The following PLCL1 variants were observed in gnomAD, a reference collection of about 807,000 sequenced individuals.
PLCL1 encodes the protein phospholipase C like 1 (inactive).
Under a neutral mutation model 84.4 loss-of-function variants are expected in PLCL1, and 41 were observed. That is an observed-to-expected ratio of 0.49 (90% CI 0.38 to 0.63). The LOEUF (loss-of-function observed/expected upper bound fraction) is 0.63, where lower values mean the gene tolerates loss of function less well. Among genes scored for constraint, PLCL1 ranks in the 30% least tolerant of loss-of-function variants. PLCL1 has a pLI of 0.00. For missense variants in PLCL1, 1,206 were observed against 1,367.8 expected (o/e 0.88, Z 1.87); for synonymous variants, 490 against 488.3 (o/e 1.00, Z -0.05).
At chr2:197,979,387 A>G (rs1690056789) in intron 1 of PLCL1, among the ~76,000 whole-genome samples, 1 of 152,188 alleles carries the variant, frequency 6.6e-6, no homozygotes, top group East Asian at 1.9e-4. Flanking sequence ...GTTGTTGCTA[A>G]CGTAGTTCTC....
intron 5 of PLCL1, among the ~76,000 whole-genome samples, chr2:198,128,589 A>G (rs1694047277): frequency 6.6e-6 from 1 of 152,112 alleles, no homozygotes; most frequent in African/African-American, 2.4e-5. Flanking sequence ...TGGTGGTGCC[A>G]GTTGATCCGT....
At chr2:198,023,156 C>T (rs1247034262) in intron 1 of PLCL1, among the ~76,000 whole-genome samples, 1 of 152,168 alleles carries the variant, frequency 6.6e-6, no homozygotes, top group African/African-American at 2.4e-5. Context: ...GGAAAGGATT[C>T]CCTAGTTAAT....
At chr2:197,928,540 T>C (rs1688875220) in intron 1 of PLCL1, among the ~76,000 whole-genome samples, 1 of 152,202 alleles carries the variant, frequency 6.6e-6, no homozygotes, top group Non-Finnish European at 1.5e-5. Flanking sequence ...CTCTGAAGAT[T>C]TATGAAATGG....
At chr2:198,014,922 A>G (rs776924070) in intron 1 of PLCL1, among the ~76,000 whole-genome samples, 2 of 152,030 alleles carry the variant, frequency 1.3e-5, no homozygotes, top group African/African-American at 2.4e-5. Flanking sequence ...TTCCCCCCAT[A>G]TATTTTTGAG....
intron 5 of PLCL1, among the ~76,000 whole-genome samples, chr2:198,142,305 A>G (rs1694407758): frequency 6.6e-6 from 1 of 152,172 alleles, no homozygotes; most frequent in African/African-American, 2.4e-5. Flanking sequence ...CGTTTAGTAT[A>G]TTAAGTGTTC....
intron 1 of PLCL1, among the ~76,000 whole-genome samples, chr2:197,933,531 G>C (rs1688991070): frequency 6.6e-6 from 1 of 152,078 alleles, no homozygotes; most frequent in Admixed American, 6.5e-5. Context: ...GAAATAACAA[G>C]ATTAATAGAT....
intron 1 of PLCL1, among the ~76,000 whole-genome samples, chr2:198,024,760 C>G (rs1691223635): frequency 8.3e-6 from 1 of 120,358 alleles, no homozygotes; most frequent in South Asian, 2.4e-4. Flanking sequence ...CGAAATCTAT[C>G]TCAAAAAAAA....
chr2:197,857,378 T>C (rs1347720442), intron 1 of PLCL1, among the ~76,000 whole-genome samples: 1 of 152,082 alleles, frequency 6.6e-6, no homozygotes, highest in East Asian at 1.9e-4. Context: ...CAGCTTAATT[T>C]TTCTCCCAAG....
intron 1 of PLCL1, among the ~76,000 whole-genome samples, chr2:197,829,770 G>T (rs950428115): frequency 6.6e-6 from 1 of 152,164 alleles, no homozygotes; most frequent in African/African-American, 2.4e-5. Context: ...TAGCTTGGCT[G>T]GCCTTGGTCT....
rs1411436937 is a variant in PLCL1, at chr2:198,084,724, C to A, written c.1207C>A (p.Pro403Thr). 4.3e-6 allele frequency: 7 copies of A among 1,613,974 alleles called. No homozygotes were observed. In the South Asian group the frequency reaches 7.7e-5, roughly 18 times the overall value. The part of the protein sequence containing the change: ...QKKVAQDMTQ[P>T]LSHYYINASH... ...GAAGGTTGCCCAAGATATGACCCAG[C>A]CATTATCTCACTACTATATCAATGC... Residue 403 changes from proline to threonine, a missense_variant, in exon 2 of 6, where the codon CCA (proline) becomes ACA (threonine). Coordinates refer to ENST00000428675, the MANE Select transcript of PLCL1 (RefSeq NM_006226.4).
In PLCL1 at chr2:198,093,479, C is replaced by A. The variant is rs187898894; in HGVS notation, c.2919+4418C>A. The stretch of plus-strand genomic sequence containing the variant: ...GTAAAAATACAGTCTAACCACCCCC[C>A]CAACCTACCACAGACTATTAATAAA... On this transcript the variant is annotated intron_variant, in intron 3 of 5. Coordinates refer to ENST00000428675, the MANE Select transcript of PLCL1 (RefSeq NM_006226.4). 7.2e-5 allele frequency among the ~76,000 whole-genome samples: 11 copies of A among 152,202 alleles called. No individual in the cohort carries two copies. In the East Asian group the frequency reaches 1.7e-3, roughly 24 times the overall value.
At chr2:197,954,357 G>C (rs1242244972) in intron 1 of PLCL1, among the ~76,000 whole-genome samples, 1 of 152,072 alleles carries the variant, frequency 6.6e-6, no homozygotes, top group Non-Finnish European at 1.5e-5. Context: ...GCAGAAAACT[G>C]ACCACACTTT....
chr2:198,001,548 A>G (rs1364683608), intron 1 of PLCL1, among the ~76,000 whole-genome samples: 1 of 152,190 alleles, frequency 6.6e-6, no homozygotes, highest in Non-Finnish European at 1.5e-5. Context: ...CTCTTAACCA[A>G]TGGAATTATA....
chr2:197,828,132 G>T (rs1690972792), intron 1 of PLCL1, among the ~76,000 whole-genome samples: 1 of 151,986 alleles, frequency 6.6e-6, no homozygotes. Flanking sequence ...TGGGTTGGAA[G>T]ATTCATTTTC....
intron 1 of PLCL1, among the ~76,000 whole-genome samples, chr2:197,946,523 T>TC (rs2105778981): frequency 6.6e-6 from 1 of 152,102 alleles, no homozygotes; most frequent in South Asian, 2.1e-4. Context: ...CAATTTTTTT[T>TC]ATTTATTGGA....
intron 5 of PLCL1, among the ~76,000 whole-genome samples, chr2:198,145,013 T>C (rs926764180): frequency 1.3e-5 from 2 of 152,126 alleles, no homozygotes; most frequent in East Asian, 1.9e-4. Context: ...AATCAGTAAA[T>C]TGAGAATAAT....
At chr2:197,969,068 G>A (rs1689804713) in intron 1 of PLCL1, among the ~76,000 whole-genome samples, 1 of 152,116 alleles carries the variant, frequency 6.6e-6, no homozygotes, top group Non-Finnish European at 1.5e-5. Context: ...AACTATTTGT[G>A]AACTGCATAT....
intron 5 of PLCL1, among the ~76,000 whole-genome samples, chr2:198,109,319 C>T (rs1230893984): frequency 6.6e-6 from 1 of 151,758 alleles, no homozygotes; most frequent in Non-Finnish European, 1.5e-5. Context: ...AGCTAGTTCC[C>T]TCCAGCCCTT....
At chr2:197,914,439 C>T (rs970154012) in intron 1 of PLCL1, among the ~76,000 whole-genome samples, 3 of 151,728 alleles carry the variant, frequency 2.0e-5, no homozygotes, top group African/African-American at 7.3e-5. Context: ...AAGTGATTCT[C>T]CTGCCTCAGC....
Sources: gnomAD v4.1 joint callset for allele counts (sites outside exome capture counted in the v4.1 genomes callset) on GRCh38, gnomAD v4.1.1 for gene constraint, MANE v1.5 for transcripts, NCBI Gene and HGNC (gene_info 2026-07-23, HGNC 2026-07-21) for gene names.